SLC12A1: variants seen among roughly 807,000 people sequenced by gnomAD.
The protein encoded by SLC12A1 is solute carrier family 12 member 1.
In SLC12A1, 89 loss-of-function variants were observed where a neutral mutation model predicts 130.4. The observed-to-expected ratio is 0.68, with a 90% CI of 0.58 to 0.81. SLC12A1 has a LOEUF of 0.81. Among genes scored for constraint, SLC12A1 ranks in the 40% least tolerant of loss-of-function variants. The pLI, the probability that SLC12A1 is intolerant of heterozygous loss-of-function variation, is 0.00. For missense variants in SLC12A1, 1,310 were observed against 1,336.4 expected, an observed-to-expected ratio of 0.98 and a Z score of 0.31; for synonymous variants, 499 against 460.0, an observed-to-expected ratio of 1.08 and a Z score of -1.09.
At chr15:48,247,207 C>A in intron 12 of SLC12A1, 130 bp from the exon 13 acceptor site, 1 of 974,428 alleles carries the variant, frequency 1.0e-6, no homozygotes, top group Non-Finnish European at 1.5e-6. Context: ...GAATGATAAA[C>A]TGCAGTGTTA....
intron 14 of SLC12A1, among the ~76,000 whole-genome samples, chr15:48,251,316 T>C (rs1021566909): frequency 6.6e-6 from 1 of 151,496 alleles, no homozygotes; most frequent in African/African-American, 2.4e-5. Context: ...AGATACTAGA[T>C]GCTTAAGGTT....
Position 48,289,415 on chromosome 15 carries a change from ATATATATATATAT to A in SLC12A1, c.2873+900_2873+912del, listed in dbSNP as rs2042094815. Among the ~76,000 whole-genome samples, 3 of 133,978 alleles carry A rather than the reference ATATATATATATAT, an allele frequency of 2.2e-5. No homozygotes were observed. In the South Asian group the frequency reaches 7.2e-4, roughly 32 times the overall value. 87.9% of individuals were successfully genotyped at this position (133,978 alleles called of 152,430 possible). A position where few individuals can be genotyped will look rare whatever the true frequency, so the allele number is the denominator to read the frequency against. ...GTGACATATATATATATATATATATATATATATATATATAATGTATAACTATGTATAACTGTAT... is the reference window on the plus strand; with the variant it reads ...GTGACATATATATATATATATATATAAATGTATAACTATGTATAACTGTAT... On this transcript the variant is annotated intron_variant, in intron 23 of 26. Transcript: ENST00000380993.
intron 24 of SLC12A1, among the ~76,000 whole-genome samples, chr15:48,296,832 T>C (rs1031994920): frequency 2.0e-5 from 3 of 152,088 alleles, no homozygotes; most frequent in Admixed American, 1.3e-4. Context: ...GCAAAGAGAA[T>C]GAAAAATGGC....
At chr15:48,224,844 TTC>T (rs2041263535) in intron 4 of SLC12A1, 1 of 152,184 alleles carries the variant, frequency 6.6e-6, no homozygotes, top group Non-Finnish European at 1.5e-5. Context: ...GGCTATGTGT[TTC>T]TTGAAGCTGA....
At chr15:48,292,061 A>G (rs2042127415) in intron 24 of SLC12A1, among the ~76,000 whole-genome samples, 197 bp downstream of exon 24, 1 of 152,248 alleles carries the variant, frequency 6.6e-6, no homozygotes, top group Non-Finnish European at 1.5e-5. Context: ...TTTACAGTGA[A>G]GACAAGCCTG....
chr15:48,275,552 T>G lies in SLC12A1; in HGVS notation c.2485+899T>G, dbSNP rs1027624733. Among the ~76,000 whole-genome samples, 6 of 152,150 alleles carry G rather than the reference T, an allele frequency of 3.9e-5. No individual in the cohort carries two copies. The East Asian group carries it at 1.2e-3, about 29-fold the overall frequency. On this transcript the variant is annotated intron_variant, in intron 20 of 26. Transcript: ENST00000380993. The stretch of plus-strand genomic sequence containing the variant: ...AAGGCATTCTGGCAAAAATTACCTT[T>G]GATTTGCGATGCACTGGATGAGTAG...
At chr15:48,217,281 T>C (rs2041134788) in intron 2 of SLC12A1, among the ~76,000 whole-genome samples, 1 of 152,180 alleles carries the variant, frequency 6.6e-6, no homozygotes, top group African/African-American at 2.4e-5. Flanking sequence ...GGTCCATCTC[T>C]AAACCTAATT....
intron 5 of SLC12A1, chr15:48,227,560 T>C: frequency 4.3e-6 from 1 of 230,726 alleles, no homozygotes; most frequent in Non-Finnish European, 8.5e-6. Context: ...AGTAAACCAC[T>C]CCTGCACCCA....
chr15:48,226,949 C>A, intron 5 of SLC12A1: 1 of 661,056 alleles, frequency 1.5e-6, no homozygotes, highest in Non-Finnish European at 2.7e-6. Context: ...GAAATGGGAT[C>A]TTTTAGAACA....
intron 24 of SLC12A1, 72 bp from the exon 25 acceptor site, chr15:48,299,068 C>A: frequency 7.6e-7 from 1 of 1,320,518 alleles, no homozygotes; most frequent in Non-Finnish European, 1.1e-6. Flanking sequence ...CAGAGCCAGT[C>A]ACACCTGGAG....
chr15:48,211,627 T>C (rs933330925), intron 2 of SLC12A1, among the ~76,000 whole-genome samples: 1 of 152,196 alleles, frequency 6.6e-6, no homozygotes, highest in Non-Finnish European at 1.5e-5. Flanking sequence ...TTTGTAACTA[T>C]GATTAGAATG....
intron 17 of SLC12A1, among the ~76,000 whole-genome samples, chr15:48,263,525 G>T (rs1336652075): frequency 6.6e-6 from 1 of 151,952 alleles, no homozygotes; most frequent in South Asian, 2.1e-4. Flanking sequence ...GTTTGATACT[G>T]GCAGTTTCAT....
intron 17 of SLC12A1, among the ~76,000 whole-genome samples, chr15:48,264,223 A>C (rs1409038273): frequency 6.6e-6 from 1 of 152,206 alleles, no homozygotes; most frequent in Non-Finnish European, 1.5e-5. Context: ...AAAGGAGGAA[A>C]GGGATGGACT....
intron 8 of SLC12A1, 95 bp downstream of exon 8, chr15:48,232,933 C>T: frequency 1.4e-6 from 1 of 734,748 alleles, no homozygotes; most frequent in Non-Finnish European, 2.4e-6. Context: ...TTCGGAATGC[C>T]TGGCTCCCCT....
intron 19 of SLC12A1, among the ~76,000 whole-genome samples, chr15:48,271,307 A>G (rs535480808): frequency 3.9e-5 from 6 of 152,296 alleles, no homozygotes; most frequent in Non-Finnish European, 8.8e-5. Context: ...CCCAAAAGCC[A>G]TCTTTTGTGT....
chr15:48,236,761 A>G (rs1040967430), intron 9 of SLC12A1, among the ~76,000 whole-genome samples: 3 of 152,216 alleles, frequency 2.0e-5, no homozygotes, highest in Non-Finnish European at 4.4e-5. Context: ...AAATGATTCA[A>G]ATAGTATCAC....
chr15:48,227,433 T>C, intron 5 of SLC12A1: 1 of 478,036 alleles, frequency 2.1e-6, no homozygotes, highest in Non-Finnish European at 3.8e-6. Context: ...TATGGAATAT[T>C]ATAGCAAAAT....
At chr15:48,230,885 T>A (rs2041367804) in intron 7 of SLC12A1, among the ~76,000 whole-genome samples, 1 of 152,202 alleles carries the variant, frequency 6.6e-6, no homozygotes. Context: ...GTTGAGAACA[T>A]AAGAGAGGCA....
chr15:48,295,482 T>C (rs1248006608), intron 24 of SLC12A1, among the ~76,000 whole-genome samples: 1 of 151,960 alleles, frequency 6.6e-6, no homozygotes, highest in Admixed American at 6.5e-5. Flanking sequence ...CTTTATTCTT[T>C]GAATACTTTT....
Sources: gnomAD v4.1 joint callset for allele counts (sites outside exome capture counted in the v4.1 genomes callset) on GRCh38, gnomAD v4.1.1 for gene constraint, MANE v1.5 for transcripts, NCBI Gene and HGNC (gene_info 2026-07-23, HGNC 2026-07-21) for gene names.